Variants in CUX1 observed in about 807,000 individuals in gnomAD.
CUX1 encodes protein CASP.
In CUX1, 31 loss-of-function variants were observed where a neutral mutation model predicts 158.8. The ratio of observed to expected loss-of-function variants is 0.20; its 90% CI spans 0.15 to 0.26. The LOEUF (loss-of-function observed/expected upper bound fraction) is 0.26, where lower values mean the gene tolerates loss of function less well. Among genes scored for constraint, CUX1 ranks in the 10% least tolerant of loss-of-function variants. The pLI is 1.00. For synonymous variants in CUX1, 879 were observed against 862.1 expected, an observed-to-expected ratio of 1.02 and a Z score of -0.34; for missense variants, 1,589 against 2,014.6, an observed-to-expected ratio of 0.79 and a Z score of 4.04.
intron 2 of CUX1, among the ~76,000 whole-genome samples, chr7:101,921,012 C>T (rs996965847): frequency 2.0e-5 from 3 of 151,866 alleles, no homozygotes; most frequent in South Asian, 4.2e-4. Flanking sequence ...TTGAAGAGAC[C>T]GGGTCTCACT....
chr7:102,079,645 C>T (rs1054853102), intron 4 of CUX1, among the ~76,000 whole-genome samples: 36 of 152,210 alleles, frequency 2.4e-4, no homozygotes, highest in Non-Finnish European at 3.2e-4. Context: ...AGGGCCCCTC[C>T]GGAGAGCTCC....
intron 1 of CUX1, among the ~76,000 whole-genome samples, chr7:101,831,936 G>T (rs1344140496): frequency 6.6e-6 from 1 of 151,894 alleles, no homozygotes; most frequent in African/African-American, 2.4e-5. Context: ...TAGAGATGGG[G>T]GGGTCTCACT....
chr7:102,032,192 G>C (rs1047562948), intron 3 of CUX1, among the ~76,000 whole-genome samples: 1 of 151,874 alleles, frequency 6.6e-6, no homozygotes, highest in African/African-American at 2.4e-5. Flanking sequence ...GCCTCCCAGA[G>C]GGCTGGGATT....
At chr7:102,142,440 C>T (rs1375837100) in intron 8 of CUX1, among the ~76,000 whole-genome samples, 1 of 152,166 alleles carries the variant, frequency 6.6e-6, no homozygotes, top group Non-Finnish European at 1.5e-5. Context: ...GACAGAACAG[C>T]ATCCCTTCCT....
chr7:101,840,483 T>C (rs1349488653), intron 1 of CUX1, among the ~76,000 whole-genome samples: 2 of 152,244 alleles, frequency 1.3e-5, no homozygotes, highest in African/African-American at 4.8e-5. Context: ...TTAAAACCTA[T>C]TCATGTCCAT....
intron 8 of CUX1, among the ~76,000 whole-genome samples, chr7:102,148,701 A>G (rs1311074214): frequency 1.3e-5 from 2 of 148,230 alleles, no homozygotes; most frequent in African/African-American, 4.9e-5. Flanking sequence ...TTATATATAT[A>G]TAATATATTA....
chr7:102,243,632 A>AAATAATAAC (rs1800457522), intron 23 of CUX1, among the ~76,000 whole-genome samples: 4 of 130,838 alleles, frequency 3.1e-5, no homozygotes, highest in Non-Finnish European at 4.8e-5. Context: ...TCTCTACAGA[A>AAATAATAAC]AATAATAATA....
At chr7:101,900,354 C>A (rs928815885) in intron 1 of CUX1, among the ~76,000 whole-genome samples, 1 of 152,198 alleles carries the variant, frequency 6.6e-6, no homozygotes, top group Non-Finnish European at 1.5e-5. Flanking sequence ...GAATCACTTG[C>A]GACGCCCGCT....
chr7:102,196,234 G>A (rs1031194071), intron 14 of CUX1, among the ~76,000 whole-genome samples: 18 of 152,220 alleles, frequency 1.2e-4, no homozygotes, highest in Non-Finnish European at 2.2e-4. Flanking sequence ...CAAGAGGTGC[G>A]AGCGAATCCA....
In CUX1 at chr7:102,251,511, G is replaced by C; in HGVS notation, c.*2469G>C. 1 of 985,404 alleles carries C rather than the reference G, an allele frequency of 1.0e-6. No individual in the cohort carries two copies. Among genetic ancestry groups the C allele is most frequent in the South Asian group, 4.7e-5 (1 of 21,284 alleles). 61.0% of individuals were successfully genotyped at this position (985,404 alleles called of 1,614,324 possible). On this transcript the variant is annotated 3_prime_UTR_variant, in exon 24 of 24. Coordinates refer to ENST00000292535, the MANE Select transcript of CUX1 (RefSeq NM_181552.4). ...TCAGAAGGCTCTAGGGGGCTGGGAG[G>C]CAGGCTGTTCGTTTGTCTTTTGTTG...
intron 4 of CUX1, among the ~76,000 whole-genome samples, chr7:102,074,754 G>T (rs1025481630): frequency 6.6e-6 from 1 of 152,236 alleles, no homozygotes. Context: ...TTCCCACTGG[G>T]ATGGCTGGTG....
At chr7:102,216,534 C>CCCA (rs1554524598) in intron 20 of CUX1, among the ~76,000 whole-genome samples, 1 of 81,236 alleles carries the variant, frequency 1.2e-5, no homozygotes, top group Admixed American at 1.3e-4. Flanking sequence ...ACTCTCCCCC[C>CCCA]CACACACACA....
intron 4 of CUX1, among the ~76,000 whole-genome samples, chr7:102,071,194 A>T (rs1332963910): frequency 6.6e-6 from 1 of 152,168 alleles, no homozygotes; most frequent in African/African-American, 2.4e-5. Flanking sequence ...CCTGGGCTCA[A>T]GCTATCCTCC....
intron 8 of CUX1, among the ~76,000 whole-genome samples, chr7:102,137,445 G>A (rs1174644429): frequency 6.6e-6 from 1 of 152,162 alleles, no homozygotes; most frequent in Non-Finnish European, 1.5e-5. Flanking sequence ...AGACCACACT[G>A]GCCAACATGG....
chr7:102,037,009 G>A (rs1211946166), intron 3 of CUX1, among the ~76,000 whole-genome samples: 1 of 152,164 alleles, frequency 6.6e-6, no homozygotes, highest in East Asian at 1.9e-4. Flanking sequence ...TGGGCAACAT[G>A]GTGAAACCCT....
chr7:101,879,737 C>T (rs571727848), intron 1 of CUX1, among the ~76,000 whole-genome samples: 2 of 152,390 alleles, frequency 1.3e-5, no homozygotes, highest in Admixed American at 6.5e-5. Flanking sequence ...CCGTGCGGCC[C>T]GCCCGCAGGG....
intron 9 of CUX1, among the ~76,000 whole-genome samples, chr7:102,159,351 T>C (rs1790150313): frequency 6.6e-6 from 1 of 152,212 alleles, no homozygotes; most frequent in Admixed American, 6.5e-5. Context: ...TGGCTGACAC[T>C]TGGTGCTCAG....
chr7:102,061,582 C>T (rs1396273104), intron 3 of CUX1, among the ~76,000 whole-genome samples: 2 of 152,224 alleles, frequency 1.3e-5, no homozygotes, highest in Non-Finnish European at 2.9e-5. Context: ...ATGGTTCAGG[C>T]AGAGCACCTG....
At position 102,257,895 on chromosome 7, in the gene CUX1, CG is replaced by C; in HGVS notation, c.*8854del. On this transcript the variant is annotated 3_prime_UTR_variant, in exon 24 of 24. Coordinates refer to ENST00000292535, the MANE Select transcript of CUX1 (RefSeq NM_181552.4). ...AAAGAAAAAAGGAAAAAAAAAAAGT[CG>C]TCTTTTTTTTTTTTTTTTGTACAAA... is the stretch of plus-strand genomic sequence containing the variant. The C allele has an allele frequency of 1.0e-6, 1 of 972,320 alleles. No individual in the cohort carries two copies. Among genetic ancestry groups the C allele is most frequent in the Non-Finnish European group, 1.2e-6 (1 of 822,594 alleles). 60.2% of individuals were successfully genotyped at this position (972,320 alleles called of 1,614,324 possible).
Sources: gnomAD v4.1 joint callset for allele counts (sites outside exome capture counted in the v4.1 genomes callset) on GRCh38, gnomAD v4.1.1 for gene constraint, MANE v1.5 for transcripts, NCBI Gene and HGNC (gene_info 2026-07-23, HGNC 2026-07-21) for gene names.